Variants in GALNT10 observed in about 807,000 individuals in gnomAD.
GALNT10 encodes GalNAc transferase 10.
GALNT10 carries 41 observed loss-of-function variants against 75.0 expected under a neutral mutation model. The ratio of observed to expected loss-of-function variants is 0.55; its 90% CI spans 0.43 to 0.71. The LOEUF (loss-of-function observed/expected upper bound fraction) is 0.71, where lower values mean the gene tolerates loss of function less well. Among genes scored for constraint, GALNT10 ranks in the 30% least tolerant of loss-of-function variants. The probability of loss-of-function intolerance (pLI) is 0.00; values close to 1 mark genes in which losing one functional copy is unlikely to be tolerated. For synonymous variants in GALNT10, 302 were observed against 313.0 expected (o/e 0.96, Z 0.37); for missense variants, 727 against 818.5 (o/e 0.89, Z 1.36).
At chr5:154,365,669 G>A (rs950039950) in intron 4 of GALNT10, among the ~76,000 whole-genome samples, 2 of 152,110 alleles carry the variant, frequency 1.3e-5, no homozygotes, top group Non-Finnish European at 2.9e-5. Context: ...CAGCCCACTC[G>A]CAATCTCTCT....
chr5:154,393,717 T>C (rs551632885), intron 7 of GALNT10, among the ~76,000 whole-genome samples: 124 of 152,232 alleles, frequency 8.1e-4, no homozygotes, highest in Non-Finnish European at 1.5e-3. Flanking sequence ...GCTGCGTGCC[T>C]GTAGTCCCAG....
intron 1 of GALNT10, among the ~76,000 whole-genome samples, chr5:154,261,615 G>A (rs1036498166): frequency 6.6e-6 from 1 of 152,116 alleles, no homozygotes; most frequent in Non-Finnish European, 1.5e-5. Context: ...TGCTGCCTTG[G>A]TAGAATGGAA....
chr5:154,319,338 C>T (rs2113105130), intron 3 of GALNT10, among the ~76,000 whole-genome samples: 1 of 152,364 alleles, frequency 6.6e-6, no homozygotes, highest in South Asian at 2.1e-4. Flanking sequence ...ATGTTAGCGG[C>T]AGGACAGTAT....
chr5:154,364,547 G>A (rs996456873), intron 4 of GALNT10, among the ~76,000 whole-genome samples: 2 of 152,152 alleles, frequency 1.3e-5, no homozygotes, highest in Admixed American at 6.5e-5. Flanking sequence ...GAAGGAGGTC[G>A]TAAGGAAAGT....
chr5:154,245,914 C>T (rs547397525), intron 1 of GALNT10, among the ~76,000 whole-genome samples: 45 of 151,196 alleles, frequency 3.0e-4, no homozygotes, highest in African/African-American at 1.0e-3. Flanking sequence ...CCCATTAACT[C>T]GTCATTTAAC....
rs1278439823 is a variant in GALNT10, at chr5:154,417,538, G to A, written c.*566G>A. The A allele has an allele frequency of 6.5e-6, 1 of 153,900 alleles. No homozygotes were observed. The highest frequency in any genetic ancestry group is 1.4e-5 in the Non-Finnish European group (1 of 69,170). The allele number at this position is 153,900 out of a possible 1,614,324, so 9.5% of individuals were successfully genotyped here. A position where few individuals can be genotyped will look rare whatever the true frequency, so the allele number is the denominator to read the frequency against. ...TCTGTTCTCTGTCACAACCCCAGGT[G>A]ATTTGGTCCGGTCAAAGGCCATACT... On this transcript the variant is annotated 3_prime_UTR_variant, in exon 12 of 12. Transcript: ENST00000297107.
intron 1 of GALNT10, among the ~76,000 whole-genome samples, chr5:154,211,707 A>G (rs1056283783): frequency 3.3e-5 from 5 of 152,194 alleles, no homozygotes; most frequent in Non-Finnish European, 4.4e-5. Flanking sequence ...GCAGGCATCT[A>G]AAGTCTCAAC....
chr5:154,409,600 C>T lies in GALNT10; in HGVS notation c.1224C>T (p.Arg408=). 1 of 1,614,076 alleles carries T rather than the reference C, an allele frequency of 6.2e-7. No individual in the cohort carries two copies. The highest frequency in any genetic ancestry group is 8.5e-7 in the Non-Finnish European group (1 of 1,179,936). The part of the protein sequence containing the change: ...MDEYAEYIYQ[R]RPEYRHLSAG... ...AGTACGCAGAGTACATTTACCAGCG[C>T]CGGCCTGAATACCGCCACCTCTCCG... The change falls in exon 9 of 12, where the codon CGC becomes CGT. Residue 408 remains arginine (R), a synonymous_variant. Coordinates refer to ENST00000297107, the MANE Select transcript of GALNT10 (RefSeq NM_198321.4). This position sits in a 1 kb window ranked among gnomAD's most constrained non-coding sequence, Gnocchi z 4.5.
At chr5:154,353,400 G>A (rs1374565313) in intron 4 of GALNT10, among the ~76,000 whole-genome samples, 1 of 152,178 alleles carries the variant, frequency 6.6e-6, no homozygotes, top group African/African-American at 2.4e-5. Context: ...CCACCCAGAG[G>A]AGTGGAGCAA....
chr5:154,191,085 G>T, intron 1 of GALNT10, 60 bp downstream of exon 1: 1 of 1,179,512 alleles, frequency 8.5e-7, no homozygotes, highest in Non-Finnish European at 1.1e-6. Flanking sequence ...CTTTTAGCCT[G>T]TGGTTCCTTC....
chr5:154,242,875 G>T (rs186560018), intron 1 of GALNT10, among the ~76,000 whole-genome samples: 105 of 152,316 alleles, frequency 6.9e-4, no homozygotes, highest in Non-Finnish European at 1.5e-3. Context: ...AGCTTGTCTA[G>T]TTACTGTTTT....
At chr5:154,235,917 GA>G (rs777593062) in intron 1 of GALNT10, among the ~76,000 whole-genome samples, 1 of 152,174 alleles carries the variant, frequency 6.6e-6, no homozygotes, top group Non-Finnish European at 1.5e-5. Context: ...GCCAGACCTG[GA>G]AATCCATAAT....
chr5:154,352,433 C>T lies in GALNT10; in HGVS notation c.568+22695C>T, dbSNP rs1414743156. Among the ~76,000 whole-genome samples, 1 of 152,232 alleles carries T rather than the reference C, an allele frequency of 6.6e-6. No individual in the cohort carries two copies. Among genetic ancestry groups the T allele is most frequent in the Non-Finnish European group, 1.5e-5 (1 of 68,034 alleles). On this transcript the variant is annotated intron_variant, in intron 4 of 11. Coordinates refer to ENST00000297107, the MANE Select transcript of GALNT10 (RefSeq NM_198321.4). The surrounding 1 kb of genome is among the most constrained non-coding windows in gnomAD (Gnocchi z 4.4). ...CCCAGGTGTAGTTCTAAGTGAGTTACCCTCACATCTCAGTAATTCTTCACA... is the reference window on the plus strand; with the variant it reads ...CCCAGGTGTAGTTCTAAGTGAGTTATCCTCACATCTCAGTAATTCTTCACA...
intron 5 of GALNT10, 118 bp from the exon 6 acceptor site, chr5:154,380,330 G>T (rs1164049665): frequency 5.0e-6 from 4 of 806,716 alleles, no homozygotes; most frequent in African/African-American, 1.7e-5. Flanking sequence ...CCCCTCCATG[G>T]ATTGTCAAAC....
chr5:154,193,883 A>G (rs533698685), intron 1 of GALNT10, among the ~76,000 whole-genome samples: 1 of 152,384 alleles, frequency 6.6e-6, no homozygotes, highest in East Asian at 1.9e-4. Context: ...TGATTTATAA[A>G]GGACACATAA....
At chr5:154,200,971 G>GT (rs11428195) in intron 1 of GALNT10, among the ~76,000 whole-genome samples, 17,593 of 151,744 alleles carry the variant, frequency 0.12, 1,167 homozygotes, top group Non-Finnish European at 0.14. Context: ...ACTAATTTCT[G>GT]TTTTTTTTGT....
At chr5:154,388,469 A>G (rs1196963218) in intron 7 of GALNT10, 1 of 152,120 alleles carries the variant, frequency 6.6e-6, no homozygotes. Context: ...CAACCTTAGG[A>G]GAGTTGTATC....
intron 4 of GALNT10, among the ~76,000 whole-genome samples, chr5:154,340,895 A>T (rs1400355605): frequency 6.6e-6 from 1 of 152,260 alleles, no homozygotes; most frequent in Non-Finnish European, 1.5e-5. Flanking sequence ...CTAAAGATCA[A>T]GAAGGCCAAA....
At chr5:154,257,357 C>G (rs184132265) in intron 1 of GALNT10, among the ~76,000 whole-genome samples, 2 of 152,314 alleles carry the variant, frequency 1.3e-5, no homozygotes, top group Non-Finnish European at 2.9e-5. Flanking sequence ...CTGCCTCACC[C>G]TGGATCTTAA....
Sources: allele counts gnomAD v4.1 joint callset (sites outside exome capture counted in the v4.1 genomes callset), GRCh38; gene constraint gnomAD v4.1.1; non-coding constraint Gnocchi (gnomAD v3.1); transcripts MANE v1.5; gene names NCBI Gene and HGNC (gene_info 2026-07-23, HGNC 2026-07-21).